The following TTC28 variants were observed in gnomAD, a reference collection of about 807,000 sequenced individuals.
The protein encoded by TTC28 is tetratricopeptide repeat domain 28, also known as tetratricopeptide repeat protein 28.
Under a neutral mutation model 198.0 loss-of-function variants are expected in TTC28, and 61 were observed. The observed-to-expected ratio is 0.31, with a 90% CI of 0.25 to 0.38. The LOEUF is 0.38. Ranked by LOEUF, TTC28 falls within the 10% of genes least tolerant of loss-of-function variation. TTC28 has a pLI of 1.00. For missense variants in TTC28, 2,678 were observed against 3,164.0 expected, an observed-to-expected ratio of 0.85 and a Z score of 3.69; for synonymous variants, 1,171 against 1,297.8, an observed-to-expected ratio of 0.90 and a Z score of 2.10.
At chr22:27,987,313 A>G (rs775955823) in intron 21 of TTC28, among the ~76,000 whole-genome samples, 1 of 152,158 alleles carries the variant, frequency 6.6e-6, no homozygotes, top group Non-Finnish European at 1.5e-5. Flanking sequence ...CTTCTGTACT[A>G]TTCTTGATGT....
rs537525944 is a variant in TTC28, at chr22:28,297,561, T to C, written c.802+19A>G. 1 of 1,541,430 alleles carries C rather than the reference T, an allele frequency of 6.5e-7. No homozygotes were observed. Among genetic ancestry groups the C allele is most frequent in the African/African-American group, 1.4e-5 (1 of 72,800 alleles). On this transcript the variant is annotated intron_variant, in intron 4 of 22. Transcript: ENST00000397906. ...TCTTTGTTCCCTTTCTGCACTGAAA[T>C]AGAGAAGCATCACTCTACCTAAGGT...
chr22:28,677,738 G>A (rs968302468), intron 1 of TTC28, among the ~76,000 whole-genome samples: 7 of 152,040 alleles, frequency 4.6e-5, no homozygotes, highest in African/African-American at 1.7e-4. Context: ...AGGAGTTTGG[G>A]ACCAGCCTGG....
At chr22:28,546,281 A>G (rs575564552) in intron 2 of TTC28, among the ~76,000 whole-genome samples, 2 of 152,306 alleles carry the variant, frequency 1.3e-5, no homozygotes, top group African/African-American at 4.8e-5. Flanking sequence ...CCCCGTCTCT[A>G]TTAAAAATAC....
At chr22:28,627,712 G>A (rs985805240) in intron 2 of TTC28, among the ~76,000 whole-genome samples, 1 of 151,808 alleles carries the variant, frequency 6.6e-6, no homozygotes, top group South Asian at 2.1e-4. Context: ...GATTACAGGC[G>A]TGAAGCCACC....
intron 1 of TTC28, among the ~76,000 whole-genome samples, chr22:28,650,164 T>C (rs2051542322): frequency 1.3e-5 from 2 of 152,128 alleles, no homozygotes; most frequent in Admixed American, 6.5e-5. Context: ...GAATTCCAAG[T>C]ACCACACATG....
chr22:28,162,747 G>A lies in TTC28; in HGVS notation c.1441+345C>T, dbSNP rs758178887. Among the ~76,000 whole-genome samples, 8 of 152,268 alleles carry A rather than the reference G, an allele frequency of 5.3e-5. No individual in the cohort carries two copies. In the East Asian group the frequency reaches 5.8e-4, roughly 11 times the overall value. On this transcript the variant is annotated intron_variant, in intron 6 of 22. Coordinates refer to ENST00000397906, the MANE Select transcript of TTC28 (RefSeq NM_001145418.2). ...GAGGATCGCTTGAGCCCAGGAGTTCGAGACCAGCCTGGGCAACATAAGAAG... is the reference window on the plus strand; with the variant it reads ...GAGGATCGCTTGAGCCCAGGAGTTCAAGACCAGCCTGGGCAACATAAGAAG...
At chr22:28,395,624 A>AG (rs1797360221) in intron 2 of TTC28, among the ~76,000 whole-genome samples, 1 of 27,974 alleles carries the variant, frequency 3.6e-5, no homozygotes. Context: ...CAAAAAAAAA[A>AG]ACCAAACAAA....
At chr22:28,679,113 C>A (rs2052048533) in intron 1 of TTC28, among the ~76,000 whole-genome samples, 1 of 152,208 alleles carries the variant, frequency 6.6e-6, no homozygotes, top group East Asian at 1.9e-4. Context: ...GTGGGTGGAA[C>A]GCTTTTCAAA....
At chr22:28,579,939 C>T (rs1008724219) in intron 2 of TTC28, among the ~76,000 whole-genome samples, 1 of 151,892 alleles carries the variant, frequency 6.6e-6, no homozygotes, top group African/African-American at 2.4e-5. Flanking sequence ...CACTGCACTC[C>T]AGCCTGAGTG....
intron 2 of TTC28, among the ~76,000 whole-genome samples, chr22:28,423,465 G>A (rs2047295410): frequency 6.6e-6 from 1 of 152,108 alleles, no homozygotes; most frequent in South Asian, 2.1e-4. Context: ...ACAGCACATA[G>A]CTTTCCCCAC....
intron 2 of TTC28, among the ~76,000 whole-genome samples, chr22:28,392,869 CCT>C (rs1491417239): frequency 2.3e-5 from 1 of 43,060 alleles, no homozygotes; most frequent in African/African-American, 9.3e-5. Flanking sequence ...GTTCCTCCCT[CCT>C]TTTTTTTTTT....
chr22:28,079,917 C>G (rs747620371), intron 12 of TTC28, among the ~76,000 whole-genome samples: 80 of 152,132 alleles, frequency 5.3e-4, no homozygotes, highest in Non-Finnish European at 1.0e-3. Context: ...TTTGTAGAGA[C>G]AGGGTCTCAC....
intron 2 of TTC28, among the ~76,000 whole-genome samples, chr22:28,578,461 A>G (rs2050183605): frequency 6.6e-6 from 1 of 152,178 alleles, no homozygotes; most frequent in African/African-American, 2.4e-5. Context: ...AAAAGAAACA[A>G]GAACTAAAGG....
At chr22:28,346,083 G>A (rs578099135) in intron 2 of TTC28, among the ~76,000 whole-genome samples, 10 of 152,198 alleles carry the variant, frequency 6.6e-5, no homozygotes, top group East Asian at 5.8e-4. Context: ...ATGTTTTCAC[G>A]TATTCTTTAT....
chr22:28,280,106 A>G (rs893390065), intron 5 of TTC28, among the ~76,000 whole-genome samples: 9 of 152,190 alleles, frequency 5.9e-5, no homozygotes, highest in African/African-American at 2.2e-4. Flanking sequence ...GTAAATATCT[A>G]GCAGCAGACT....
chr22:28,612,145 A>T (rs1283686323), intron 2 of TTC28, among the ~76,000 whole-genome samples: 1 of 152,162 alleles, frequency 6.6e-6, no homozygotes, highest in Non-Finnish European at 1.5e-5. Context: ...TACCAAGCAA[A>T]TGGAGAGCAA....
intron 13 of TTC28, 70 bp downstream of exon 13, chr22:28,030,156 T>C (rs1939013811): frequency 6.6e-7 from 1 of 1,518,838 alleles, no homozygotes; most frequent in Admixed American, 2.1e-5. Flanking sequence ...GAGCATCCAC[T>C]GAAAGCATAT....
At chr22:28,355,712 A>G (rs1352631314) in intron 2 of TTC28, among the ~76,000 whole-genome samples, 1 of 152,232 alleles carries the variant, frequency 6.6e-6, no homozygotes, top group African/African-American at 2.4e-5. Flanking sequence ...AGCTGTCCAG[A>G]TCCCACAAAG....
intron 5 of TTC28, among the ~76,000 whole-genome samples, chr22:28,276,603 G>A (rs2044478011): frequency 1.3e-5 from 2 of 152,128 alleles, no homozygotes; most frequent in African/African-American, 2.4e-5. Context: ...GATAGTCATG[G>A]CAGCAACTGC....
Sources: gnomAD v4.1 joint callset for allele counts (sites outside exome capture counted in the v4.1 genomes callset) on GRCh38, gnomAD v4.1.1 for gene constraint, MANE v1.5 for transcripts, NCBI Gene and HGNC (gene_info 2026-07-23, HGNC 2026-07-21) for gene names.